The following CEP112 variants were observed in gnomAD, a reference collection of about 807,000 sequenced individuals.
CEP112 encodes the protein centrosomal protein of 112 kDa.
CEP112 carries 127 observed loss-of-function variants against 153.0 expected under a neutral mutation model. The observed-to-expected ratio is 0.83, with a 90% CI of 0.72 to 0.96. The LOEUF is 0.96. Among genes scored for constraint, CEP112 ranks in the 40% least tolerant of loss-of-function variants. The pLI, the probability that CEP112 is intolerant of heterozygous loss-of-function variation, is 0.00. For missense variants in CEP112, 1,089 were observed against 1,101.2 expected (o/e 0.99, Z 0.16); for synonymous variants, 358 against 374.4 (o/e 0.96, Z 0.51).
intron 24 of CEP112, among the ~76,000 whole-genome samples, chr17:65,671,433 A>AG (rs2144059917): frequency 6.6e-6 from 1 of 152,338 alleles, no homozygotes; most frequent in African/African-American, 2.4e-5. Flanking sequence ...TGTACGGACA[A>AG]GAAGAATGGT....
At position 66,036,203 on chromosome 17, in the gene CEP112, G is replaced by A. The variant is rs574878380; in HGVS notation, c.1219-6180C>T. 3.7e-4 allele frequency among the ~76,000 whole-genome samples: 57 copies of A among 152,280 alleles called. 1 individual carries two copies. In the South Asian group the frequency reaches 0.012, roughly 31 times the overall value. ...CAAAGTAGAGTGATGATTGCCAGGGGCTAGACAGAATGGAAAATGGAAGTT... is the reference window on the plus strand; with the variant it reads ...CAAAGTAGAGTGATGATTGCCAGGGACTAGACAGAATGGAAAATGGAAGTT... On this transcript the variant is annotated intron_variant, in intron 12 of 26. Transcript: ENST00000535342.
At chr17:66,065,994 C>T (rs575187471) in intron 10 of CEP112, among the ~76,000 whole-genome samples, 30 of 152,294 alleles carry the variant, frequency 2.0e-4, no homozygotes, top group African/African-American at 6.3e-4. Context: ...ACCCTTCCTA[C>T]AACTTACCTA....
chr17:65,941,359 A>G (rs1169576301), intron 18 of CEP112: 1 of 152,180 alleles, frequency 6.6e-6, no homozygotes, highest in Non-Finnish European at 1.5e-5. Context: ...AACACATTAA[A>G]AGGCTTTTGT....
At chr17:65,992,757 A>G (rs2063639493) in intron 17 of CEP112, among the ~76,000 whole-genome samples, 1 of 152,130 alleles carries the variant, frequency 6.6e-6, no homozygotes, top group Non-Finnish European at 1.5e-5. Flanking sequence ...TCAAGTCACA[A>G]TTCCTCACTT....
chr17:66,139,427 G>T (rs1157421791), intron 4 of CEP112, among the ~76,000 whole-genome samples: 2 of 152,048 alleles, frequency 1.3e-5, no homozygotes, highest in Admixed American at 6.6e-5. Flanking sequence ...AACATAGTGA[G>T]CCTCATTTCT....
At chr17:65,734,436 G>A (rs949181652) in intron 23 of CEP112, among the ~76,000 whole-genome samples, 5 of 152,254 alleles carry the variant, frequency 3.3e-5, no homozygotes, top group Middle Eastern at 3.4e-3. Flanking sequence ...TTTTGTATAT[G>A]TGGATTACAT....
chr17:65,817,052 A>G (rs1205777880), intron 21 of CEP112, among the ~76,000 whole-genome samples: 2 of 152,002 alleles, frequency 1.3e-5, no homozygotes, highest in African/African-American at 2.4e-5. Flanking sequence ...CTGTGAAAGC[A>G]AAAACTAAAA....
At chr17:65,660,357 T>C (rs937204400) in intron 24 of CEP112, among the ~76,000 whole-genome samples, 1 of 134,334 alleles carries the variant, frequency 7.4e-6, no homozygotes, top group Non-Finnish European at 1.5e-5. Context: ...TCTCGTTCCT[T>C]CCTCCCTCCC....
At chr17:65,750,900 A>C (rs75469128) in intron 21 of CEP112, 176 bp from the exon 22 acceptor site, 4 of 148,402 alleles carry the variant, frequency 2.7e-5, no homozygotes, top group African/African-American at 5.2e-5. Context: ...CTTAAAAAGC[A>C]AAAAAAAAAA....
chr17:66,158,538 G>A (rs577218770), intron 4 of CEP112, among the ~76,000 whole-genome samples: 1 of 152,264 alleles, frequency 6.6e-6, no homozygotes, highest in East Asian at 1.9e-4. Context: ...CGTGAACCCA[G>A]GAGGTGGAGC....
intron 8 of CEP112, among the ~76,000 whole-genome samples, chr17:66,075,751 G>GGCTT (rs2067467143): frequency 6.6e-6 from 1 of 152,130 alleles, no homozygotes; most frequent in Non-Finnish European, 1.5e-5. Context: ...AGTGTGCAGA[G>GGCTT]GCTTGCATCA....
intron 24 of CEP112, among the ~76,000 whole-genome samples, chr17:65,649,065 AACAAACAAACACACAC>A (rs1193674856): frequency 2.1e-5 from 1 of 46,608 alleles, no homozygotes; most frequent in Non-Finnish European, 3.9e-5. Flanking sequence ...CAAACAAACA[AACAAACAAACACACAC>A]ACACACACAC....
intron 21 of CEP112, among the ~76,000 whole-genome samples, chr17:65,848,901 G>A (rs949355328): frequency 1.3e-5 from 2 of 152,066 alleles, no homozygotes; most frequent in Non-Finnish European, 2.9e-5. Flanking sequence ...CATCTGCTGT[G>A]CCCTCAAGGA....
intron 11 of CEP112, among the ~76,000 whole-genome samples, chr17:66,060,771 G>A (rs928124276): frequency 6.6e-6 from 1 of 151,734 alleles, no homozygotes; most frequent in African/African-American, 2.4e-5. Context: ...TGAATTGAAA[G>A]ACTTAAATGG....
chr17:65,850,153 CAAAAAAAA>C (rs57086665), intron 21 of CEP112, among the ~76,000 whole-genome samples: 5 of 35,714 alleles, frequency 1.4e-4, no homozygotes, highest in African/African-American at 2.0e-4. Flanking sequence ...GACTCTGTCT[CAAAAAAAA>C]AAAAAAAAAA....
At chr17:65,988,153 G>A (rs1297543155) in intron 17 of CEP112, among the ~76,000 whole-genome samples, 2 of 152,118 alleles carry the variant, frequency 1.3e-5, no homozygotes, top group Non-Finnish European at 2.9e-5. Flanking sequence ...TTCAGGACAG[G>A]TGGCACTCTG....
chr17:66,064,836 T>C (rs1264925293), intron 10 of CEP112, among the ~76,000 whole-genome samples: 1 of 152,210 alleles, frequency 6.6e-6, no homozygotes, highest in Admixed American at 6.5e-5. Flanking sequence ...ATTTAAAATA[T>C]TTTTCTAGAC....
intron 20 of CEP112, among the ~76,000 whole-genome samples, chr17:65,883,663 A>G (rs11655638): frequency 0.35 from 52,990 of 152,120 alleles, 10,932 homozygotes; most frequent in Middle Eastern, 0.47. Context: ...CACCGTGCCC[A>G]GCCAGAAGTT....
At position 65,641,050 on chromosome 17, in the gene CEP112, G is replaced by A. The variant is rs751867676; in HGVS notation, c.2713C>T (p.Gln905Ter). ...CCTTTCAATTTTGTTTCATATTCTT[G>A]TCGTATGTAAGTTATCTAAATTGGA... ...ESQEQITYIR[Q>*]EYETKLKGLM... Residue 905 changes from glutamine to a stop codon, truncating the protein, a stop_gained, in exon 25 of 27, where the codon CAA becomes TAA. Transcript: ENST00000535342. LOFTEE classifies it high-confidence loss of function. 7 of 1,597,236 alleles carry A rather than the reference G, an allele frequency of 4.4e-6. No individual in the cohort carries two copies. In the African/African-American group the frequency reaches 9.4e-5, roughly 21 times the overall value.
Sources: gnomAD v4.1 joint callset for allele counts (sites outside exome capture counted in the v4.1 genomes callset) on GRCh38, gnomAD v4.1.1 for gene constraint, MANE v1.5 for transcripts, NCBI Gene and HGNC (gene_info 2026-07-23, HGNC 2026-07-21) for gene names.